Variants in MSTO1 observed in about 807,000 individuals in gnomAD.
The protein encoded by MSTO1 is protein misato homolog 1.
MSTO1 carries 24 observed loss-of-function variants against 55.7 expected under a neutral mutation model. The ratio of observed to expected loss-of-function variants is 0.43; its 90% CI spans 0.31 to 0.61. The LOEUF (loss-of-function observed/expected upper bound fraction) is 0.61. MSTO1 is among the 20% of genes least tolerant of loss of function. The probability of loss-of-function intolerance (pLI) is 0.09; values close to 1 mark genes in which losing one functional copy is unlikely to be tolerated. For synonymous variants in MSTO1, 162 were observed against 252.8 expected, an observed-to-expected ratio of 0.64 and a Z score of 3.41; for missense variants, 363 against 625.7, an observed-to-expected ratio of 0.58 and a Z score of 4.48.
the MSTO1 span, chr1:155,591,320 G>C: frequency 7.8e-7 from 1 of 1,286,896 alleles, no homozygotes; most frequent in Non-Finnish European, 1.1e-6. Flanking sequence ...AGGCCAAGTC[G>C]ACACTTAATA....
the MSTO1 span, chr1:155,598,748 T>G: frequency 1.6e-6 from 1 of 639,756 alleles, no homozygotes; most frequent in Non-Finnish European, 2.7e-6. Flanking sequence ...AAAAAAAACA[T>G]AAGTACTGTT....
At chr1:155,574,361 C>T in the MSTO1 span, among the ~76,000 whole-genome samples, 1 of 152,038 alleles carries the variant, frequency 6.6e-6, no homozygotes, top group African/African-American at 2.4e-5. Context: ...AAGAAAAAGA[C>T]ATAGCAGAAA....
At chr1:155,592,221 C>A in the MSTO1 span, among the ~76,000 whole-genome samples, 4 of 152,276 alleles carry the variant, frequency 2.6e-5, no homozygotes, top group South Asian at 4.2e-4. Flanking sequence ...TCTTTCAAAA[C>A]GGCTTTGCAA....
the MSTO1 span, among the ~76,000 whole-genome samples, chr1:155,604,177 G>C: frequency 1.3e-5 from 2 of 152,038 alleles, no homozygotes; most frequent in African/African-American, 4.8e-5. Context: ...GGACTGCATG[G>C]GTCCACTTAT....
chr1:155,604,507 A>C, the MSTO1 span, among the ~76,000 whole-genome samples: 1 of 152,262 alleles, frequency 6.6e-6, no homozygotes, highest in Non-Finnish European at 1.5e-5. Context: ...ATCAGAATGG[A>C]AATGAGAAAG....
chr1:155,611,480 A>G (rs1255292430), intron 4 of MSTO1, 69 bp from the exon 5 acceptor site: 6 of 1,613,736 alleles, frequency 3.7e-6, no homozygotes, highest in Non-Finnish European at 5.1e-6. Context: ...AGCCAACTCA[A>G]GGAGGACGAA....
chr1:155,573,538 A>G, the MSTO1 span, among the ~76,000 whole-genome samples: 3 of 149,408 alleles, frequency 2.0e-5, no homozygotes, highest in South Asian at 2.1e-4. Context: ...GTCCCTACGG[A>G]AAAAAAAAAT....
At chr1:155,606,493 C>T (rs1672938374), upstream of MSTO1, among the ~76,000 whole-genome samples, 1 of 149,700 alleles carries the variant, frequency 6.7e-6, no homozygotes, top group Non-Finnish European at 1.5e-5. Context: ...CTCCCAGGTT[C>T]AAGAGATTCT....
the MSTO1 span, chr1:155,563,283 C>G: frequency 2.2e-6 from 1 of 455,998 alleles, no homozygotes; most frequent in South Asian, 1.5e-5. Context: ...TGGTCGCAGG[C>G]GGTGTGTGCC....
the MSTO1 span, among the ~76,000 whole-genome samples, chr1:155,567,074 G>C: frequency 6.6e-6 from 1 of 151,870 alleles, no homozygotes; most frequent in Admixed American, 6.6e-5. Flanking sequence ...GTATGGTCAG[G>C]GTTGACTTTA....
At chr1:155,598,253 A>T in the MSTO1 span, among the ~76,000 whole-genome samples, 2 of 152,078 alleles carry the variant, frequency 1.3e-5, no homozygotes, top group Non-Finnish European at 2.9e-5. Context: ...AGTAGCTGGG[A>T]TTACAGGCAT....
the MSTO1 span, among the ~76,000 whole-genome samples, chr1:155,600,918 C>T: frequency 6.7e-6 from 1 of 149,008 alleles, no homozygotes; most frequent in African/African-American, 2.5e-5. Context: ...TCTCGTGATG[C>T]GACCGCCTTG....
At chr1:155,594,579 CT>C in the MSTO1 span, among the ~76,000 whole-genome samples, 4 of 151,730 alleles carry the variant, frequency 2.6e-5, no homozygotes, top group Non-Finnish European at 4.4e-5. Flanking sequence ...GAATTTGAGA[CT>C]TATTTTGACA....
the MSTO1 span, among the ~76,000 whole-genome samples, chr1:155,583,582 G>A: frequency 4.6e-5 from 7 of 152,088 alleles, no homozygotes; most frequent in Non-Finnish European, 1.0e-4. Context: ...TTTAAGCAAG[G>A]CTTCAGTGGA....
chr1:155,604,464 C>G, the MSTO1 span, among the ~76,000 whole-genome samples: 3 of 152,184 alleles, frequency 2.0e-5, no homozygotes, highest in Admixed American at 2.0e-4. Context: ...TTAAAACATA[C>G]TTTTCTGATG....
Position 155,612,511 on chromosome 1 carries a change from G to T in MSTO1, c.907G>T (p.Gly303Cys), listed in dbSNP as rs148627056. ...HSSLVCPLSL[G>C]GSLGLRPEPP... is the part of the protein sequence containing the mutation. ...CTCTCTTGTCTGCCCCTTGTCCTTGGGTGGGAGCCTGGGCCTGCGACCCGA... is the reference window on the plus strand; with the variant it reads ...CTCTCTTGTCTGCCCCTTGTCCTTGTGTGGGAGCCTGGGCCTGCGACCCGA... The change falls in exon 9 of 14, where the codon GGT (glycine) becomes TGT (cysteine). Residue 303 changes from glycine (G) to cysteine (C), a missense_variant. Physicochemically the swap from Gly to Cys is radical, Grantham distance 159 (BLOSUM62 -3). Transcript: ENST00000245564. 6.2e-7 allele frequency: 1 copy of T among 1,613,766 alleles called. No individual in the cohort carries two copies. Among genetic ancestry groups the T allele is most frequent in the Non-Finnish European group, 8.5e-7 (1 of 1,179,978 alleles).
chr1:155,565,122 A>G, the MSTO1 span, among the ~76,000 whole-genome samples: 1 of 151,648 alleles, frequency 6.6e-6, no homozygotes, highest in Non-Finnish European at 1.5e-5. Context: ...CTTTGTCTTA[A>G]AAAGAAAAAA....
chr1:155,595,333 A>G, the MSTO1 span, among the ~76,000 whole-genome samples: 880 of 151,866 alleles, frequency 5.8e-3, 5 homozygotes, highest in African/African-American at 0.02. Flanking sequence ...GCCCACCACC[A>G]TGCCTGGTTA....
chr1:155,606,539 C>T (rs536821577), upstream of MSTO1, among the ~76,000 whole-genome samples: 3 of 151,812 alleles, frequency 2.0e-5, no homozygotes, highest in African/African-American at 7.2e-5. Context: ...GGACCACAGG[C>T]GCGTGCCACC....
Sources: allele counts gnomAD v4.1 joint callset (sites outside exome capture counted in the v4.1 genomes callset), GRCh38; gene constraint gnomAD v4.1.1; transcripts MANE v1.5; gene names NCBI Gene and HGNC (gene_info 2026-07-23, HGNC 2026-07-21).